Variants in ADGRL3 observed in about 807,000 individuals in gnomAD.
ADGRL3 encodes calcium-independent alpha-latrotoxin receptor 3.
In ADGRL3, 62 loss-of-function variants were observed where a neutral mutation model predicts 153.5. That is an observed-to-expected ratio of 0.40 (90% CI 0.33 to 0.50). The LOEUF is 0.50. ADGRL3 is among the 20% of genes least tolerant of loss of function. The probability of loss-of-function intolerance (pLI) is 0.47; values close to 1 mark genes in which losing one functional copy is unlikely to be tolerated. For synonymous variants in ADGRL3, 710 were observed against 672.5 expected, an observed-to-expected ratio of 1.06 and a Z score of -0.86; for missense variants, 1,641 against 1,859.4, an observed-to-expected ratio of 0.88 and a Z score of 2.16.
At chr4:61,647,301 C>T (rs2094054712) in intron 5 of ADGRL3, among the ~76,000 whole-genome samples, 1 of 152,100 alleles carries the variant, frequency 6.6e-6, no homozygotes, top group African/African-American at 2.4e-5. Flanking sequence ...TTGGCTCCTC[C>T]CCGATTTAAC....
intron 1 of ADGRL3, among the ~76,000 whole-genome samples, chr4:61,257,834 G>C (rs2092123960): frequency 8.9e-6 from 1 of 112,904 alleles, no homozygotes; most frequent in Non-Finnish European, 2.0e-5. Flanking sequence ...AATTGAATTA[G>C]AGGTGTGTGT....
At chr4:61,800,208 A>G (rs1352756556) in intron 8 of ADGRL3, among the ~76,000 whole-genome samples, 1 of 150,930 alleles carries the variant, frequency 6.6e-6, no homozygotes, top group African/African-American at 2.4e-5. Context: ...AAACAGAAAC[A>G]GGAAAAATAA....
intron 8 of ADGRL3, among the ~76,000 whole-genome samples, chr4:61,737,558 C>G (rs1237376773): frequency 6.6e-6 from 1 of 151,994 alleles, no homozygotes; most frequent in African/African-American, 2.4e-5. Flanking sequence ...TTTCCTCAGA[C>G]TATAAAATGG....
chr4:61,404,454 T>C (rs1297996414), intron 2 of ADGRL3, among the ~76,000 whole-genome samples: 1 of 151,962 alleles, frequency 6.6e-6, no homozygotes, highest in Non-Finnish European at 1.5e-5. Context: ...TGTACAAAAA[T>C]ACAGGAATAA....
At chr4:61,670,832 G>A (rs2094966332) in intron 5 of ADGRL3, among the ~76,000 whole-genome samples, 2 of 152,124 alleles carry the variant, frequency 1.3e-5, no homozygotes, top group Admixed American at 6.6e-5. Context: ...ACCCATGAGT[G>A]CCTAAATGAA....
chr4:61,262,899 T>G (rs961391819), intron 1 of ADGRL3, among the ~76,000 whole-genome samples: 1 of 152,136 alleles, frequency 6.6e-6, no homozygotes, highest in African/African-American at 2.4e-5. Context: ...GAAGGATATA[T>G]CTTTAAAAAT....
chr4:61,789,265 TTCTCTC>T (rs1019598355), intron 8 of ADGRL3, among the ~76,000 whole-genome samples: 3 of 152,114 alleles, frequency 2.0e-5, no homozygotes, highest in African/African-American at 2.4e-5. Context: ...AGTAAAATCT[TTCTCTC>T]TGTCTCTGTG....
At chr4:61,268,186 T>C (rs911901598) in intron 1 of ADGRL3, among the ~76,000 whole-genome samples, 3 of 151,600 alleles carry the variant, frequency 2.0e-5, no homozygotes, top group Non-Finnish European at 4.4e-5. Flanking sequence ...TATTGGTAAC[T>C]TGGGGGGAAA....
chr4:61,487,720 T>C (rs2098212563), intron 2 of ADGRL3, among the ~76,000 whole-genome samples: 1 of 152,072 alleles, frequency 6.6e-6, no homozygotes, highest in Non-Finnish European at 1.5e-5. Flanking sequence ...TATGTTCATT[T>C]AGACTTGTTT....
At chr4:61,636,773 T>C (rs1363543822) in intron 5 of ADGRL3, among the ~76,000 whole-genome samples, 2 of 150,998 alleles carry the variant, frequency 1.3e-5, no homozygotes, top group Non-Finnish European at 3.0e-5. Context: ...GGAAGATATA[T>C]AGGCAAATAC....
intron 1 of ADGRL3, among the ~76,000 whole-genome samples, chr4:61,216,787 C>T (rs1319522623): frequency 6.6e-6 from 1 of 152,196 alleles, no homozygotes; most frequent in African/African-American, 2.4e-5. Context: ...CTTCACTTCT[C>T]CGTGCCTCAT....
intron 2 of ADGRL3, among the ~76,000 whole-genome samples, chr4:61,443,363 G>T (rs953280208): frequency 6.6e-6 from 1 of 152,040 alleles, no homozygotes; most frequent in Admixed American, 6.6e-5. Context: ...ATCTTTTAAA[G>T]TCAATTAGAG....
rs372163664 is a variant in ADGRL3 at position 61,892,609 on chromosome 4, T to C, written c.1481-47T>C. 221 of 1,399,786 alleles carry C rather than the reference T, an allele frequency of 1.6e-4. 1 individual carries two copies. Among genetic ancestry groups the C allele is most frequent in the Non-Finnish European group, 2.1e-4 (205 of 986,762 alleles). The allele number at this position is 1,399,786 out of a possible 1,614,324, so 86.7% of individuals were successfully genotyped here. On this transcript the variant is annotated intron_variant, in intron 9 of 26. Transcript: ENST00000683033. ...AAAGTACTAGGACATCTTGAGGTCC[T>C]CCTGTGAACAAGCAATGTAGGTGTT...
At chr4:61,507,663 G>A (rs1234580109) in intron 3 of ADGRL3, among the ~76,000 whole-genome samples, 1 of 152,150 alleles carries the variant, frequency 6.6e-6, no homozygotes, top group Non-Finnish European at 1.5e-5. Context: ...AGTTTGTTGT[G>A]TGTATGTGTT....
At chr4:61,648,070 G>T (rs1029393678) in intron 5 of ADGRL3, among the ~76,000 whole-genome samples, 1 of 151,978 alleles carries the variant, frequency 6.6e-6, no homozygotes, top group African/African-American at 2.4e-5. Flanking sequence ...TTCTTTCAGA[G>T]AGATTCCACT....
At position 61,313,365 on chromosome 4, in the gene ADGRL3, G is replaced by A. The variant is rs1219453785; in HGVS notation, c.-239-69759G>A. ...ACCCATAGGATGTACAACACAAAGA[G>A]TGAGCCCTAATTTAAACTATGGCCC... is the stretch of plus-strand genomic sequence containing the variant. On this transcript the variant is annotated intron_variant, in intron 1 of 26. Coordinates refer to ENST00000683033, the MANE Select transcript of ADGRL3 (RefSeq NM_001387552.1). 3.3e-5 allele frequency among the ~76,000 whole-genome samples: 5 copies of A among 152,262 alleles called. No individual in the cohort carries two copies. The East Asian group carries it at 9.7e-4, about 29-fold the overall frequency.
chr4:61,924,421 C>T (rs1285785057), intron 13 of ADGRL3, among the ~76,000 whole-genome samples: 1 of 152,144 alleles, frequency 6.6e-6, no homozygotes, highest in Non-Finnish European at 1.5e-5. Context: ...CTATGACCTA[C>T]AAATATTATC....
chr4:61,992,339 AG>A (rs1412022035), intron 19 of ADGRL3, among the ~76,000 whole-genome samples: 1 of 152,202 alleles, frequency 6.6e-6, no homozygotes, highest in East Asian at 1.9e-4. Context: ...ACTGTGAGGT[AG>A]GATATATGTG....
intron 1 of ADGRL3, among the ~76,000 whole-genome samples, chr4:61,255,097 T>G (rs920908032): frequency 3.3e-5 from 5 of 152,216 alleles, no homozygotes; most frequent in Admixed American, 1.3e-4. Flanking sequence ...AAGATGTTGC[T>G]ATGGCTGACA....
Sources: gnomAD v4.1 joint callset for allele counts (sites outside exome capture counted in the v4.1 genomes callset) on GRCh38, gnomAD v4.1.1 for gene constraint, MANE v1.5 for transcripts, NCBI Gene and HGNC (gene_info 2026-07-23, HGNC 2026-07-21) for gene names.